TNFRSF1B: variants seen among roughly 807,000 people sequenced by gnomAD.
TNFRSF1B encodes the protein tumor necrosis factor receptor superfamily member 1B.
In TNFRSF1B, 19 loss-of-function variants were observed where a neutral mutation model predicts 44.6. The observed-to-expected ratio is 0.43, with a 90% CI of 0.30 to 0.62. TNFRSF1B has a LOEUF of 0.62. Among genes scored for constraint, TNFRSF1B ranks in the 20% least tolerant of loss-of-function variants. The pLI is 0.16. For missense variants in TNFRSF1B, 541 were observed against 619.9 expected (o/e 0.87, Z 1.35); for synonymous variants, 252 against 261.1 (o/e 0.97, Z 0.34).
rs921852544 is a variant in TNFRSF1B at position 12,207,816 on chromosome 1, T to C, written c.*796T>C. The stretch of plus-strand genomic sequence containing the variant: ...TCCCAGCTACTCAGAAGCCTGAGGC[T>C]GGGAAATCGTTTGAACCCGGGAAGC... On this transcript the variant is annotated 3_prime_UTR_variant, in exon 10 of 10. Coordinates refer to ENST00000376259, the MANE Select transcript of TNFRSF1B (RefSeq NM_001066.3). The C allele has an allele frequency of 6.6e-5, 10 of 151,880 alleles. No homozygotes were observed. The highest frequency in any genetic ancestry group is 2.4e-4 in the African/African-American group (10 of 41,276). 9.4% of individuals were successfully genotyped at this position (151,880 alleles called of 1,614,324 possible).
At chr1:12,191,179 T>G in intron 3 of TNFRSF1B, 94 bp downstream of exon 3, 1 of 1,508,648 alleles carries the variant, frequency 6.6e-7, no homozygotes, top group Non-Finnish European at 8.9e-7. Flanking sequence ...TGTCTGGAGT[T>G]ACCCCAGGCT....
chr1:12,172,907 C>A (rs765822519), intron 1 of TNFRSF1B, among the ~76,000 whole-genome samples: 6 of 152,186 alleles, frequency 3.9e-5, no homozygotes, highest in Non-Finnish European at 8.8e-5. Flanking sequence ...AAGATGGGCA[C>A]GGGAAGATTC....
At chr1:12,170,373 T>G (rs1638494147) in intron 1 of TNFRSF1B, among the ~76,000 whole-genome samples, 1 of 152,178 alleles carries the variant, frequency 6.6e-6, no homozygotes, top group Non-Finnish European at 1.5e-5. Context: ...TAAGCCTATG[T>G]TCTCATCTGT....
intron 6 of TNFRSF1B, 68 bp downstream of exon 6, chr1:12,193,166 T>C: frequency 7.0e-7 from 1 of 1,419,022 alleles, no homozygotes; most frequent in Non-Finnish European, 9.7e-7. Flanking sequence ...TCTTTCTTCC[T>C]CTCCCATGGT....
At chr1:12,184,607 A>AT (rs1338928040) in intron 1 of TNFRSF1B, among the ~76,000 whole-genome samples, 1 of 152,212 alleles carries the variant, frequency 6.6e-6, no homozygotes, top group African/African-American at 2.4e-5. Context: ...CCTGGGGGCC[A>AT]TGGGAGTCCA....
rs1400721424 is a variant in TNFRSF1B, at chr1:12,187,567, C to G, written c.79-1229C>G. On this transcript the variant is annotated intron_variant, in intron 1 of 9. Coordinates refer to ENST00000376259, the MANE Select transcript of TNFRSF1B (RefSeq NM_001066.3). This position sits in a 1 kb window ranked among gnomAD's most constrained non-coding sequence, Gnocchi z 5.5. ...GACCCAGGTCCAAACCCTTCTCTGT[C>G]ACTTACCAGGTCTGGGACCTTGGGC... Among the ~76,000 whole-genome samples the G allele has an allele frequency of 6.6e-6, 1 of 152,242 alleles. No individual in the cohort carries two copies. Among genetic ancestry groups the G allele is most frequent in the Non-Finnish European group, 1.5e-5 (1 of 68,042 alleles).
intron 9 of TNFRSF1B, among the ~76,000 whole-genome samples, chr1:12,204,067 C>T (rs573641913): frequency 3.9e-5 from 6 of 152,182 alleles, no homozygotes; most frequent in Non-Finnish European, 7.4e-5. Flanking sequence ...GGTGTGGCTC[C>T]CTCCTTGGGC....
chr1:12,204,827 C>G (rs1639467598), intron 9 of TNFRSF1B, among the ~76,000 whole-genome samples: 1 of 151,588 alleles, frequency 6.6e-6, no homozygotes. Context: ...ACAAAAAAAC[C>G]CGTAGACTTG....
chr1:12,189,423 G>A (rs1205665160), intron 2 of TNFRSF1B, among the ~76,000 whole-genome samples: 6 of 152,196 alleles, frequency 3.9e-5, no homozygotes, highest in East Asian at 1.9e-4. Flanking sequence ...AGCACGTGGC[G>A]CAATGCCATG....
Position 12,206,799 on chromosome 1 carries a change from A to T in TNFRSF1B, c.1165A>T (p.Ser389Cys). 6.2e-7 allele frequency: 1 copy of T among 1,613,608 alleles called. No individual in the cohort carries two copies. Among genetic ancestry groups the T allele is most frequent in the Non-Finnish European group, 8.5e-7 (1 of 1,179,710 alleles). The change falls in exon 10 of 10, where the codon AGC becomes TGC. Residue 389 changes from serine (S) to cysteine (C), a missense_variant. Coordinates refer to ENST00000376259, the MANE Select transcript of TNFRSF1B (RefSeq NM_001066.3). Reference protein sequence around the residue: ...VNVTCIVNVCSSSDHSSQCSS... With the variant: ...VNVTCIVNVCCSSDHSSQCSS... ...TGTCACCTGCATCGTGAACGTCTGT[A>T]GCAGCTCTGACCACAGCTCACAGTG...
At chr1:12,188,129 G>A (rs1412245835) in intron 1 of TNFRSF1B, among the ~76,000 whole-genome samples, 2 of 152,216 alleles carry the variant, frequency 1.3e-5, no homozygotes, top group Non-Finnish European at 2.9e-5. Context: ...GGTCCCATGT[G>A]AGAGATTGAG....
Position 12,186,431 on chromosome 1 carries a change from T to C in TNFRSF1B, c.79-2365T>C, listed in dbSNP as rs983975229. On this transcript the variant is annotated intron_variant, in intron 1 of 9. Coordinates refer to ENST00000376259, the MANE Select transcript of TNFRSF1B (RefSeq NM_001066.3). The surrounding 1 kb of genome is among the most constrained non-coding windows in gnomAD (Gnocchi z 4.8). The stretch of plus-strand genomic sequence containing the variant: ...GGTGCTGGGTGTCGTGACTGGTGTC[T>C]GCTCTGACTGGCTTGCTGACAGCTG... 4.5e-4 allele frequency among the ~76,000 whole-genome samples: 69 copies of C among 152,242 alleles called. No homozygotes were observed. Among genetic ancestry groups the C allele is most frequent in the Admixed American group, 4.4e-3 (67 of 15,288 alleles).
chr1:12,183,743 A>AGC lies in TNFRSF1B; in HGVS notation c.79-5053_79-5052insGC, dbSNP rs1557629212. Among the ~76,000 whole-genome samples the AGC allele has an allele frequency of 4.2e-4, 53 of 126,202 alleles. 1 individual carries two copies. The highest frequency in any genetic ancestry group is 1.1e-3 in the Admixed American group (15 of 13,326). The allele number at this position is 126,202 out of a possible 152,430, so 82.8% of individuals were successfully genotyped here. ...TACCTATCTATCTATCTATCTATCT[A>AGC]TCTATCTAGCTAGCTAGCTAGCTAG... On this transcript the variant is annotated intron_variant, in intron 1 of 9. Coordinates refer to ENST00000376259, the MANE Select transcript of TNFRSF1B (RefSeq NM_001066.3).
Position 12,167,104 on chromosome 1 carries a change from G to T in TNFRSF1B, c.13G>T (p.Ala5Ser). 7.5e-7 allele frequency: 1 copy of T among 1,336,854 alleles called. No individual in the cohort carries two copies. Among genetic ancestry groups the T allele is most frequent in the Non-Finnish European group, 9.6e-7 (1 of 1,040,418 alleles). 82.8% of individuals were successfully genotyped at this position (1,336,854 alleles called of 1,614,324 possible). A position where few individuals can be genotyped will look rare whatever the true frequency, so the allele number is the denominator to read the frequency against. The change falls in exon 1 of 10, where the codon GCC becomes TCC. Residue 5 changes from alanine to serine, a missense_variant. By Grantham distance (99) the Ala-to-Ser change is moderately conservative. Coordinates refer to ENST00000376259, the MANE Select transcript of TNFRSF1B (RefSeq NM_001066.3). MAPV[A>S]VWAALAVGLE... is the part of the protein sequence containing the mutation. Reference sequence around the variant, plus strand: ...CCCGCCCGCACCCATGGCGCCCGTCGCCGTCTGGGCCGCGCTGGCCGTCGG... The same window carrying T: ...CCCGCCCGCACCCATGGCGCCCGTCTCCGTCTGGGCCGCGCTGGCCGTCGG...
In TNFRSF1B at chr1:12,169,090, G is replaced by A. The variant is rs1000021009; in HGVS notation, c.78+1921G>A. ...TTACCCCTATCCTTCAAGGCCTTCT[G>A]CAAATGCCATTCTCTCCAGGAAAGC... is the stretch of plus-strand genomic sequence containing the variant. On this transcript the variant is annotated intron_variant, in intron 1 of 9. Coordinates refer to ENST00000376259, the MANE Select transcript of TNFRSF1B (RefSeq NM_001066.3). This position sits in a 1 kb window ranked among gnomAD's most constrained non-coding sequence, Gnocchi z 4.5. Among the ~76,000 whole-genome samples the A allele has an allele frequency of 6.6e-6, 1 of 152,200 alleles. No individual in the cohort carries two copies. The highest frequency in any genetic ancestry group is 2.4e-5 in the African/African-American group (1 of 41,442).
chr1:12,174,145 TCTTCTTCTTCTTCTTCTTCTC>T (rs1553162419), intron 1 of TNFRSF1B, among the ~76,000 whole-genome samples: 1 of 86,560 alleles, frequency 1.2e-5, no homozygotes, highest in African/African-American at 6.0e-5. Flanking sequence ...TTCTTCTTCT[TCTTCTTCTTCTTCTTCTTCTC>T]CTTCTCCTTC....
At chr1:12,201,471 TAAAAA>T (rs79883375) in intron 8 of TNFRSF1B, among the ~76,000 whole-genome samples, 1 of 126,648 alleles carries the variant, frequency 7.9e-6, no homozygotes, top group Non-Finnish European at 1.7e-5. Context: ...CTTTATAGAG[TAAAAA>T]AAAAAAAAAA....
chr1:12,203,695 T>TA (rs1223289592), intron 9 of TNFRSF1B, among the ~76,000 whole-genome samples: 24 of 152,262 alleles, frequency 1.6e-4, no homozygotes, highest in African/African-American at 5.5e-4. Context: ...TATAAACTCT[T>TA]AGTCTTTGCC....
At chr1:12,183,890 G>C (rs890716268) in intron 1 of TNFRSF1B, among the ~76,000 whole-genome samples, 6 of 150,938 alleles carry the variant, frequency 4.0e-5, no homozygotes, top group African/African-American at 1.5e-4. Context: ...CATCCTCTCC[G>C]ATTCCCTCAC....
Sources: gnomAD v4.1 joint callset for allele counts (sites outside exome capture counted in the v4.1 genomes callset) on GRCh38, gnomAD v4.1.1 for gene constraint, Gnocchi (gnomAD v3.1) non-coding constraint, MANE v1.5 for transcripts, NCBI Gene and HGNC (gene_info 2026-07-23, HGNC 2026-07-21) for gene names.